Variants in MTOR observed in about 807,000 individuals in gnomAD.
MTOR encodes mechanistic target of rapamycin kinase, also known as serine/threonine-protein kinase mTOR.
A neutral mutation model predicts 319.8 loss-of-function variants in MTOR; 70 were observed. That is an observed-to-expected ratio of 0.22 (90% CI 0.18 to 0.27). The LOEUF is 0.27. MTOR is among the 10% of genes least tolerant of loss of function. The pLI is 1.00. For missense variants in MTOR, 1,890 were observed against 3,274.4 expected (o/e 0.58, Z 10.32); for synonymous variants, 1,183 against 1,211.4 (o/e 0.98, Z 0.49).
At chr1:11,137,244 C>T (rs796800445) in intron 36 of MTOR, among the ~76,000 whole-genome samples, 18 of 149,842 alleles carry the variant, frequency 1.2e-4, no homozygotes, top group African/African-American at 3.7e-4. Context: ...TCATTGCATA[C>T]GTCACGCAGG....
chr1:11,223,421 T>C lies in MTOR; in HGVS notation c.3030+5247A>G, dbSNP rs1294968844. 3.3e-5 allele frequency among the ~76,000 whole-genome samples: 5 copies of C among 152,286 alleles called. No homozygotes were observed. In the East Asian group the frequency reaches 9.6e-4, roughly 29 times the overall value. The stretch of plus-strand genomic sequence containing the variant: ...AGTATGTATTGGTGAAATAATATGA[T>C]ACCTGTAATTTGCTTTAAAATACTG... On this transcript the variant is annotated intron_variant, in intron 19 of 57. Coordinates refer to ENST00000361445, the MANE Select transcript of MTOR (RefSeq NM_004958.4).
At chr1:11,114,923 T>G (rs781077114) in intron 51 of MTOR, 36 bp from the exon 52 acceptor site, 5 of 1,592,372 alleles carry the variant, frequency 3.1e-6, no homozygotes, top group Non-Finnish European at 3.4e-6. Flanking sequence ...CAAATCAATG[T>G]TTATTTTCTT....
intron 53 of MTOR, among the ~76,000 whole-genome samples, chr1:11,114,088 C>T (rs1298138070): frequency 2.0e-5 from 3 of 152,140 alleles, no homozygotes; most frequent in Non-Finnish European, 4.4e-5. Context: ...GTCAATTAAA[C>T]CTCTTTCCTT....
chr1:11,137,701 T>G (rs1387136427), intron 36 of MTOR, among the ~76,000 whole-genome samples: 1 of 152,220 alleles, frequency 6.6e-6, no homozygotes, highest in East Asian at 1.9e-4. Context: ...ACAATGGCCT[T>G]GGCTCAGTGA....
chr1:11,106,826 C>T lies in MTOR; in HGVS notation c.*659G>A, dbSNP rs1053524521. 7.0e-5 allele frequency: 92 copies of T among 1,305,966 alleles called. No individual in the cohort carries two copies. Among genetic ancestry groups the T allele is most frequent in the Non-Finnish European group, 8.9e-5 (90 of 1,006,722 alleles). The allele number at this position is 1,305,966 out of a possible 1,614,324, so 80.9% of individuals were successfully genotyped here. On this transcript the variant is annotated 3_prime_UTR_variant, in exon 58 of 58. Coordinates refer to ENST00000361445, the MANE Select transcript of MTOR (RefSeq NM_004958.4). Reference sequence around the variant, plus strand: ...CACAGTGATCCCCTCTGTGCATCTGCTCAGCCGAGGCTGCCAGCGATCTGA... The same window carrying T: ...CACAGTGATCCCCTCTGTGCATCTGTTCAGCCGAGGCTGCCAGCGATCTGA...
intron 37 of MTOR, 78 bp downstream of exon 37, chr1:11,134,273 T>G (rs1308862771): frequency 5.9e-6 from 8 of 1,356,510 alleles, no homozygotes; most frequent in African/African-American, 1.4e-5. Context: ...CAAGAAGCCT[T>G]GAACTCCTCC....
chr1:11,162,850 T>A (rs967613174), intron 29 of MTOR, among the ~76,000 whole-genome samples: 3 of 152,140 alleles, frequency 2.0e-5, no homozygotes, highest in Non-Finnish European at 4.4e-5. Flanking sequence ...GTAAAGACCA[T>A]CAATGCTAGG....
At chr1:11,215,736 T>C (rs1646447663) in intron 20 of MTOR, among the ~76,000 whole-genome samples, 1 of 152,222 alleles carries the variant, frequency 6.6e-6, no homozygotes, top group Non-Finnish European at 1.5e-5. Context: ...ACCTTGTTCC[T>C]TGGTGCCCAA....
At chr1:11,214,570 G>C (rs1646409372) in intron 20 of MTOR, among the ~76,000 whole-genome samples, 1 of 152,148 alleles carries the variant, frequency 6.6e-6, no homozygotes. Context: ...GTTCAAAGTA[G>C]AAGTCCATAA....
intron 36 of MTOR, among the ~76,000 whole-genome samples, chr1:11,137,917 G>C (rs1013756045): frequency 2.6e-5 from 4 of 152,232 alleles, no homozygotes; most frequent in African/African-American, 9.6e-5. Flanking sequence ...TTGCTCAGTA[G>C]CACAATTATT....
chr1:11,218,127 C>G (rs1646535965), intron 19 of MTOR, among the ~76,000 whole-genome samples: 1 of 152,060 alleles, frequency 6.6e-6, no homozygotes, highest in Non-Finnish European at 1.5e-5. Flanking sequence ...GTATAGTGGT[C>G]CCTATACAAA....
intron 28 of MTOR, among the ~76,000 whole-genome samples, chr1:11,183,005 T>C (rs1645208763): frequency 6.6e-6 from 1 of 152,232 alleles, no homozygotes; most frequent in African/African-American, 2.4e-5. Context: ...GAGTTACATA[T>C]AAGGATATGT....
chr1:11,192,474 G>A (rs572830882), intron 28 of MTOR: 2 of 1,024,060 alleles, frequency 2.0e-6, no homozygotes, highest in Non-Finnish European at 3.0e-6. Flanking sequence ...AGGAAAATTC[G>A]GCTGGGCGCA....
chr1:11,247,824 C>G lies in MTOR; in HGVS notation c.1111G>C (p.Asp371His). The change falls in exon 7 of 58, where the codon GAT (aspartate) becomes CAT (histidine). Residue 371 changes from aspartate to histidine, a missense_variant. Around this residue, in one of 15 missense-constraint regions of MTOR, gnomAD observed 418 missense variants for 543.1 expected, o/e 0.77. Transcript: ENST00000361445. ...CCRDLMEEKF[D>H]QVCQWVLKCR... The stretch of plus-strand genomic sequence containing the variant: ...AAGGGCCTCTCACCACTTACCTGAT[C>G]AAATTTCTCCTCCATCAAGTCTCTG... The G allele has an allele frequency of 6.2e-7, 1 of 1,612,706 alleles. No individual in the cohort carries two copies. Among genetic ancestry groups the G allele is most frequent in the African/African-American group, 1.3e-5 (1 of 74,998 alleles).
chr1:11,241,497 C>A (rs1648022665), intron 10 of MTOR, 56 bp downstream of exon 10: 2 of 1,557,080 alleles, frequency 1.3e-6, no homozygotes, highest in African/African-American at 1.4e-5. Flanking sequence ...ACAGTCCCAA[C>A]ACTGGGGGCC....
intron 28 of MTOR, chr1:11,193,682 G>C (rs1645650785): frequency 6.2e-7 from 1 of 1,614,122 alleles, no homozygotes; most frequent in Non-Finnish European, 8.5e-7. Context: ...GTACAAGCAG[G>C]GCTTTGGCAG....
intron 28 of MTOR, chr1:11,195,625 G>C (rs1053143756): frequency 1.3e-5 from 2 of 153,950 alleles, no homozygotes; most frequent in African/African-American, 4.8e-5. Flanking sequence ...ACTGCATCTG[G>C]CGATCAGACT....
At position 11,256,072 on chromosome 1, in the gene MTOR, C is replaced by A; in HGVS notation, c.625G>T (p.Ala209Ser). 6.2e-7 allele frequency: 1 copy of A among 1,614,186 alleles called. No individual in the cohort carries two copies. Among genetic ancestry groups the A allele is most frequent in the Non-Finnish European group, 8.5e-7 (1 of 1,180,042 alleles). ...AGACAGGCACGAAGGGCGGCTACAG[C>A]TCCCTCACGGATGGCCTGTTTGGGG... ...WDPKQAIREG[A>S]VAALRACLIL... Residue 209 changes from alanine (A) to serine (S), a missense_variant, in exon 5 of 58, where the codon GCT (alanine) becomes TCT (serine). By Grantham distance (99) the Ala-to-Ser change is moderately conservative. Transcript: ENST00000361445.
At chr1:11,247,785 T>C in intron 7 of MTOR, 34 bp downstream of exon 7, 1 of 1,612,472 alleles carries the variant, frequency 6.2e-7, no homozygotes, top group Non-Finnish European at 8.5e-7. Context: ...GTGTGGAGCT[T>C]AGGAAAAGAG....
Sources: gnomAD v4.1 joint callset for allele counts (sites outside exome capture counted in the v4.1 genomes callset) on GRCh38, gnomAD v4.1.1 for gene constraint, gnomAD v4.1.1 regional missense constraint, MANE v1.5 for transcripts, NCBI Gene and HGNC (gene_info 2026-07-23, HGNC 2026-07-21) for gene names.